ALK: variants seen among roughly 807,000 people sequenced by gnomAD.
ALK encodes the protein ALK tyrosine kinase receptor.
A neutral mutation model predicts 163.1 loss-of-function variants in ALK; 74 were observed. The ratio of observed to expected loss-of-function variants is 0.45; its 90% CI spans 0.38 to 0.55. The LOEUF (loss-of-function observed/expected upper bound fraction) is 0.55, where lower values mean the gene tolerates loss of function less well. Ranked by LOEUF, ALK falls within the 20% of genes least tolerant of loss-of-function variation. The probability of loss-of-function intolerance (pLI) is 0.00; values close to 1 mark genes in which losing one functional copy is unlikely to be tolerated. For missense variants in ALK, 2,063 were observed against 2,105.3 expected (o/e 0.98, Z 0.39); for synonymous variants, 960 against 843.2 (o/e 1.14, Z -2.40).
chr2:29,548,290 G>A (rs148293998), intron 3 of ALK, among the ~76,000 whole-genome samples: 247 of 152,186 alleles, frequency 1.6e-3, no homozygotes, highest in Non-Finnish European at 2.7e-3. Flanking sequence ...TGGCTAACAC[G>A]GTGAAACCCT....
At chr2:29,747,433 A>G (rs1460260698) in intron 1 of ALK, among the ~76,000 whole-genome samples, 1 of 152,240 alleles carries the variant, frequency 6.6e-6, no homozygotes, top group Non-Finnish European at 1.5e-5. Context: ...TAAAAATGGA[A>G]GTTTCCTTTA....
chr2:29,521,812 T>C (rs1369649127), intron 4 of ALK, among the ~76,000 whole-genome samples: 2 of 152,180 alleles, frequency 1.3e-5, no homozygotes, highest in African/African-American at 4.8e-5. Flanking sequence ...ATCTCCTCAA[T>C]GCAGACTTGG....
intron 5 of ALK, among the ~76,000 whole-genome samples, chr2:29,332,156 C>G (rs922541138): frequency 6.6e-6 from 1 of 151,476 alleles, no homozygotes; most frequent in South Asian, 2.1e-4. Flanking sequence ...TGTGATGGCA[C>G]GTGCCTGTAG....
intron 8 of ALK, among the ~76,000 whole-genome samples, chr2:29,299,423 C>G (rs1303482777): frequency 6.6e-6 from 1 of 152,184 alleles, no homozygotes; most frequent in African/African-American, 2.4e-5. Context: ...CACATGAATT[C>G]TCCATTTCAG....
chr2:29,200,146 A>G (rs1669121110), intron 26 of ALK, among the ~76,000 whole-genome samples: 1 of 152,164 alleles, frequency 6.6e-6, no homozygotes, highest in African/African-American at 2.4e-5. Flanking sequence ...TGATTTTGCT[A>G]CTTACAAATT....
chr2:29,647,632 A>G (rs1479807793), intron 3 of ALK, among the ~76,000 whole-genome samples: 1 of 152,156 alleles, frequency 6.6e-6, no homozygotes, highest in African/African-American at 2.4e-5. Context: ...GAGCTGTAGA[A>G]TGAAGTTCAT....
At chr2:29,889,828 TC>T (rs1246305771) in intron 1 of ALK, among the ~76,000 whole-genome samples, 2 of 150,292 alleles carry the variant, frequency 1.3e-5, no homozygotes, top group African/African-American at 2.4e-5. Context: ...GTACTGCTAG[TC>T]CTGGATGACT....
At chr2:29,297,656 T>C (rs1666235552) in intron 8 of ALK, among the ~76,000 whole-genome samples, 1 of 152,258 alleles carries the variant, frequency 6.6e-6, no homozygotes, top group Admixed American at 6.5e-5. Flanking sequence ...AATATGGGCA[T>C]CTTTCGAAGA....
chr2:29,822,319 C>A (rs1173890418), intron 1 of ALK, among the ~76,000 whole-genome samples: 1 of 152,178 alleles, frequency 6.6e-6, no homozygotes, highest in Non-Finnish European at 1.5e-5. Flanking sequence ...ATAGGATCAG[C>A]CTAGAGAACT....
At chr2:29,908,280 GCACACACACACA>G (rs10607985) in intron 1 of ALK, among the ~76,000 whole-genome samples, 5 of 148,578 alleles carry the variant, frequency 3.4e-5, no homozygotes, top group Admixed American at 2.0e-4. Flanking sequence ...ACTCTCCAGA[GCACACACACACA>G]CACACACACA....
chr2:29,197,037 G>T (rs1669040864), intron 27 of ALK, among the ~76,000 whole-genome samples, 177 bp from the exon 28 acceptor site: 1 of 152,146 alleles, frequency 6.6e-6, no homozygotes, highest in African/African-American at 2.4e-5. Context: ...AGGTGTAAAG[G>T]TATCTAACAC....
chr2:29,854,793 C>T (rs1298388375), intron 1 of ALK, among the ~76,000 whole-genome samples: 7 of 152,116 alleles, frequency 4.6e-5, no homozygotes, highest in Non-Finnish European at 8.8e-5. Context: ...AATATACTTC[C>T]ATAGCACTTC....
chr2:29,290,915 C>A (rs188688246), intron 9 of ALK, among the ~76,000 whole-genome samples: 1 of 151,968 alleles, frequency 6.6e-6, no homozygotes, highest in Non-Finnish European at 1.5e-5. Flanking sequence ...AGGCAGGGGC[C>A]GTGCGGGGAA....
At chr2:29,303,638 T>G (rs1666428531) in intron 8 of ALK, among the ~76,000 whole-genome samples, 1 of 152,140 alleles carries the variant, frequency 6.6e-6, no homozygotes, top group Admixed American at 6.5e-5. Context: ...AACCTACGTG[T>G]CCCTCAATGG....
chr2:29,765,639 T>G (rs1224707277), intron 1 of ALK, among the ~76,000 whole-genome samples: 1 of 152,080 alleles, frequency 6.6e-6, no homozygotes, highest in African/African-American at 2.4e-5. Flanking sequence ...GAGTACCTTT[T>G]TTTTTAAATT....
In ALK at chr2:29,226,782, T is replaced by C. The variant is rs542276553; in HGVS notation, c.3067+140A>G. 48 of 1,060,188 alleles carry C rather than the reference T, an allele frequency of 4.5e-5. 1 individual carries two copies. In the South Asian group the frequency reaches 5.7e-4, roughly 13 times the overall value. The allele number at this position is 1,060,188 out of a possible 1,614,324, so 65.7% of individuals were successfully genotyped here. A position where few individuals can be genotyped will look rare whatever the true frequency, so the allele number is the denominator to read the frequency against. On this transcript the variant is annotated intron_variant, in intron 18 of 28. Transcript: ENST00000389048. ...ACCTTTCACACAGTGGTCAGAGCAC[T>C]CGAGCTGTGGCAGGTAGGGGAGGGA...
At chr2:29,437,141 G>T (rs1179401903) in intron 4 of ALK, among the ~76,000 whole-genome samples, 1 of 152,138 alleles carries the variant, frequency 6.6e-6, no homozygotes, top group Non-Finnish European at 1.5e-5. Context: ...AGCTCTTGGG[G>T]AGTCTTGGAG....
chr2:29,599,618 G>C (rs1451149006), intron 3 of ALK, among the ~76,000 whole-genome samples: 1 of 152,228 alleles, frequency 6.6e-6, no homozygotes, highest in Admixed American at 6.5e-5. Context: ...ATTTGAACTT[G>C]AAGACACTTG....
At chr2:29,540,992 A>T (rs11680523) in intron 3 of ALK, among the ~76,000 whole-genome samples, 18,079 of 152,180 alleles carry the variant, frequency 0.12, 1,404 homozygotes, top group Non-Finnish European at 0.18. Context: ...TCTAAAAAAA[A>T]AGTAGTTTAT....
Sources: gnomAD v4.1 joint callset for allele counts (sites outside exome capture counted in the v4.1 genomes callset) on GRCh38, gnomAD v4.1.1 for gene constraint, MANE v1.5 for transcripts, NCBI Gene and HGNC (gene_info 2026-07-23, HGNC 2026-07-21) for gene names.